The following PRICKLE2 variants were observed in gnomAD, a reference collection of about 807,000 sequenced individuals.
PRICKLE2 encodes prickle-like protein 2.
In PRICKLE2, 21 loss-of-function variants were observed where a neutral mutation model predicts 81.4. That is an observed-to-expected ratio of 0.26 (90% CI 0.18 to 0.37). The LOEUF (loss-of-function observed/expected upper bound fraction) is 0.37. Among genes scored for constraint, PRICKLE2 ranks in the 10% least tolerant of loss-of-function variants. PRICKLE2 has a pLI of 1.00. For missense variants in PRICKLE2, 940 were observed against 1,109.0 expected (o/e 0.85, Z 2.16); for synonymous variants, 456 against 421.5 (o/e 1.08, Z -1.00).
Position 64,093,490 on chromosome 3 carries a change from A to C in PRICKLE2, c.*5561T>G, listed in dbSNP as rs1325109898. On this transcript the variant is annotated 3_prime_UTR_variant, in exon 8 of 8. Coordinates refer to ENST00000638394, the MANE Select transcript of PRICKLE2 (RefSeq NM_198859.4). ...TTTACATTCCCACCAACAGTGTACA[A>C]GTGTTCCAATTGCTCCACATCCTCA... The C allele has an allele frequency of 3.3e-5, 5 of 152,186 alleles. No homozygotes were observed. The highest frequency in any genetic ancestry group is 7.2e-5 in the African/African-American group (3 of 41,446). 9.4% of individuals were successfully genotyped at this position (152,186 alleles called of 1,614,324 possible).
At chr3:64,106,966 T>C (rs757793703) in intron 7 of PRICKLE2, among the ~76,000 whole-genome samples, 15 of 152,246 alleles carry the variant, frequency 9.9e-5, no homozygotes, top group Non-Finnish European at 2.1e-4. Context: ...AGCAGAGCTC[T>C]GTTTTCTTAA....
At chr3:64,139,909 G>T (rs967150013) in intron 7 of PRICKLE2, among the ~76,000 whole-genome samples, 1 of 152,112 alleles carries the variant, frequency 6.6e-6, no homozygotes, top group Non-Finnish European at 1.5e-5. Context: ...ATCCCTCTTT[G>T]TAAGGCCTCC....
intron 1 of PRICKLE2, among the ~76,000 whole-genome samples, chr3:64,205,719 T>A (rs2078675681): frequency 6.6e-6 from 1 of 152,238 alleles, no homozygotes. Flanking sequence ...TTTTTACTTT[T>A]CTGTTTCTTT....
intron 4 of PRICKLE2, 56 bp from the exon 5 acceptor site, chr3:64,157,421 T>C (rs2077655589): frequency 1.3e-6 from 2 of 1,548,134 alleles, no homozygotes; most frequent in Middle Eastern, 2.3e-4. Context: ...CCCAGTGCTG[T>C]GCATAAATGA....
In PRICKLE2 at chr3:64,215,505, G is replaced by C. The variant is rs533865938; in HGVS notation, c.-41+9405C>G. On this transcript the variant is annotated intron_variant, in intron 1 of 7. Transcript: ENST00000638394. ...TAGAATAATAAGCATTCAATAAGTA[G>C]CTCTTTGAAATTTTGACTAATACTT... is the stretch of plus-strand genomic sequence containing the variant. 3.9e-5 allele frequency among the ~76,000 whole-genome samples: 6 copies of C among 152,286 alleles called. No individual in the cohort carries two copies. In the East Asian group the frequency reaches 1.2e-3, roughly 29 times the overall value.
chr3:64,113,665 C>T (rs771809810), intron 7 of PRICKLE2, among the ~76,000 whole-genome samples: 9 of 152,246 alleles, frequency 5.9e-5, no homozygotes, highest in Non-Finnish European at 1.0e-4. Context: ...CAGCCCCCAG[C>T]CACCACTGCA....
In PRICKLE2 at chr3:64,163,162, C is replaced by T; in HGVS notation, c.145-33G>A. On this transcript the variant is annotated intron_variant, in intron 2 of 7. Transcript: ENST00000638394. ...ACAGAAAGCATATAGATGACTTGCCCATTACTCAAACCATGTGCCTATTCC... is the reference window on the plus strand; with the variant it reads ...ACAGAAAGCATATAGATGACTTGCCTATTACTCAAACCATGTGCCTATTCC... 4 of 1,310,020 alleles carry T rather than the reference C, an allele frequency of 3.1e-6. No homozygotes were observed. The South Asian group carries it at 3.5e-5, about 12-fold the overall frequency. The allele number at this position is 1,310,020 out of a possible 1,614,324, so 81.1% of individuals were successfully genotyped here. A position where few individuals can be genotyped will look rare whatever the true frequency, so the allele number is the denominator to read the frequency against.
chr3:64,149,099 G>A (rs898407172), intron 6 of PRICKLE2, among the ~76,000 whole-genome samples: 5 of 152,140 alleles, frequency 3.3e-5, no homozygotes, highest in African/African-American at 1.2e-4. Context: ...ACAGGCCTGC[G>A]CCAGGTTTAT....
chr3:64,216,803 A>C (rs1298105885), intron 1 of PRICKLE2, among the ~76,000 whole-genome samples: 1 of 152,046 alleles, frequency 6.6e-6, no homozygotes, highest in African/African-American at 2.4e-5. Flanking sequence ...GGAGCACGTG[A>C]ATTCTTTGCT....
At chr3:64,259,577 T>C (rs1559608898) in intron 2 of PRICKLE2, among the ~76,000 whole-genome samples, 1 of 152,190 alleles carries the variant, frequency 6.6e-6, no homozygotes, top group Admixed American at 6.5e-5. Context: ...CTGAAAATCA[T>C]AACATATTTG....
chr3:64,111,216 C>A (rs972167474), intron 7 of PRICKLE2, among the ~76,000 whole-genome samples: 2 of 152,196 alleles, frequency 1.3e-5, no homozygotes, highest in African/African-American at 4.8e-5. Flanking sequence ...GTACTTAGAA[C>A]AGTGCTGGTG....
intron 7 of PRICKLE2, among the ~76,000 whole-genome samples, chr3:64,117,614 G>T (rs2076956693): frequency 6.6e-6 from 1 of 152,072 alleles, no homozygotes; most frequent in East Asian, 1.9e-4. Context: ...GCCACAAAAA[G>T]AATACATTAC....
At chr3:64,257,969 A>G (rs1310924259) in intron 2 of PRICKLE2, among the ~76,000 whole-genome samples, 1 of 152,192 alleles carries the variant, frequency 6.6e-6, no homozygotes, top group African/African-American at 2.4e-5. Context: ...AGACACAGCA[A>G]TAAGTCACCA....
At chr3:64,161,099 A>C (rs1674698107) in intron 3 of PRICKLE2, among the ~76,000 whole-genome samples, 1 of 147,370 alleles carries the variant, frequency 6.8e-6, no homozygotes, top group African/African-American at 2.4e-5. Flanking sequence ...TCCTACTTAA[A>C]AGTGGAGGCC....
chr3:64,099,631 C>T lies in PRICKLE2; in HGVS notation c.1955G>A (p.Ser652Asn). The T allele has an allele frequency of 6.2e-7, 1 of 1,614,094 alleles. No homozygotes were observed. The highest frequency in any genetic ancestry group is 8.5e-7 in the Non-Finnish European group (1 of 1,180,032). The stretch of plus-strand genomic sequence containing the variant: ...CACGCCCTCCTGCCCTGGCAGCTTG[C>T]TGCCCGCCATCCCTCCATCAAAATC... Reference protein sequence around the residue: ...SFDFDGGMAGSKLPGQEGVRI... With the variant: ...SFDFDGGMAGNKLPGQEGVRI... The change falls in exon 8 of 8, where the codon AGC becomes AAC. Residue 652 changes from serine to asparagine, a missense_variant. Ser to Asn is a conservative substitution (Grantham distance 46, BLOSUM62 1). Around this residue, in one of 2 missense-constraint regions of PRICKLE2, gnomAD observed 670 missense variants for 717.2 expected, o/e 0.93. Coordinates refer to ENST00000638394, the MANE Select transcript of PRICKLE2 (RefSeq NM_198859.4). The surrounding 1 kb of genome is among the most constrained non-coding windows in gnomAD (Gnocchi z 4.3).
chr3:64,118,951 C>T (rs1008013884), intron 7 of PRICKLE2, among the ~76,000 whole-genome samples: 7 of 152,054 alleles, frequency 4.6e-5, no homozygotes, highest in African/African-American at 1.7e-4. Flanking sequence ...TTCACACTAG[C>T]GAAGACATGG....
At chr3:64,232,119 T>C (rs2107161591) in intron 2 of PRICKLE2, among the ~76,000 whole-genome samples, 1 of 152,338 alleles carries the variant, frequency 6.6e-6, no homozygotes, top group Non-Finnish European at 1.5e-5. Flanking sequence ...ATGTGTGTCC[T>C]TTCCCTTAGG....
At position 64,124,318 on chromosome 3, in the gene PRICKLE2, C is replaced by T. The variant is rs555911586; in HGVS notation, c.1660+22512G>A. Among the ~76,000 whole-genome samples the T allele has an allele frequency of 5.3e-5, 8 of 152,270 alleles. No homozygotes were observed. The East Asian group carries it at 1.2e-3, about 22-fold the overall frequency. On this transcript the variant is annotated intron_variant, in intron 7 of 7. Coordinates refer to ENST00000638394, the MANE Select transcript of PRICKLE2 (RefSeq NM_198859.4). ...CATGAGGTTTAAGGAAAGAAGCCAT[C>T]GCCATAACATAAAAGTGCAAGGTGA...
chr3:64,113,092 G>A (rs1005544126), intron 7 of PRICKLE2, among the ~76,000 whole-genome samples: 1 of 152,150 alleles, frequency 6.6e-6, no homozygotes, highest in Non-Finnish European at 1.5e-5. Context: ...ACAGGCCTTG[G>A]GAACCCTAGA....
Sources: allele counts gnomAD v4.1 joint callset (sites outside exome capture counted in the v4.1 genomes callset), GRCh38; gene constraint gnomAD v4.1.1; regional missense constraint gnomAD v4.1.1; non-coding constraint Gnocchi (gnomAD v3.1); transcripts MANE v1.5; gene names NCBI Gene and HGNC (gene_info 2026-07-23, HGNC 2026-07-21).